KANK2: variants seen among roughly 807,000 people sequenced by gnomAD.
KANK2 encodes KN motif and ankyrin repeat domain-containing protein 2.
In KANK2, 41 loss-of-function variants were observed where a neutral mutation model predicts 74.6. That is an observed-to-expected ratio of 0.55 (90% confidence interval 0.43 to 0.71). The LOEUF is 0.71. Ranked by LOEUF, KANK2 falls within the 30% of genes least tolerant of loss-of-function variation. KANK2 has a pLI of 0.00. For missense variants in KANK2, 1,148 were observed against 1,196.4 expected (o/e 0.96, Z 0.60); for synonymous variants, 537 against 519.0 (o/e 1.03, Z -0.47).
rs746659510 is a variant in KANK2, at chr19:11,185,668, T to C, written c.1250-6948A>G. ...AGAAAAAATGGAGAAAGGCTACAAG[T>C]AATTGACTTACAGAGGAACCTTATT... On this transcript the variant is annotated intron_variant, in intron 4 of 12. Coordinates refer to ENST00000586659, the MANE Select transcript of KANK2 (RefSeq NM_001136191.3). 6.7e-5 allele frequency among the ~76,000 whole-genome samples: 10 copies of C among 150,170 alleles called. 1 individual carries two copies. The highest frequency in any genetic ancestry group is 8.9e-5 in the Non-Finnish European group (6 of 67,336).
chr19:11,177,598 C>T (rs976160692), intron 6 of KANK2, among the ~76,000 whole-genome samples: 31 of 152,056 alleles, frequency 2.0e-4, no homozygotes, highest in Non-Finnish European at 2.9e-4. Context: ...GTGATCCACC[C>T]GCCTCAGCCT....
chr19:11,167,510 T>C (rs2078054954), intron 12 of KANK2, among the ~76,000 whole-genome samples: 1 of 151,104 alleles, frequency 6.6e-6, no homozygotes, highest in Non-Finnish European at 1.5e-5. Context: ...ACTATAGGCA[T>C]GCACCACCAG....
chr19:11,196,809 C>T lies in KANK2; in HGVS notation c.-279+676G>A, dbSNP rs530193712. 4.6e-5 allele frequency: 7 copies of T among 152,356 alleles called. No homozygotes were observed. In the South Asian group the frequency reaches 1.0e-3, roughly 23 times the overall value. 9.4% of individuals were successfully genotyped at this position (152,356 alleles called of 1,614,324 possible). A position where few individuals can be genotyped will look rare whatever the true frequency, so the allele number is the denominator to read the frequency against. ...AGAGACTGGAGCCTATAAGAGGGGA[C>T]AGGTAGGGAGCGCAGGGAAGGGGCG... On this transcript the variant is annotated intron_variant, in intron 1 of 12. Coordinates refer to ENST00000586659, the MANE Select transcript of KANK2 (RefSeq NM_001136191.3).
intron 4 of KANK2, among the ~76,000 whole-genome samples, chr19:11,179,421 G>A (rs1031540763): frequency 7.9e-5 from 12 of 151,194 alleles, no homozygotes; most frequent in East Asian, 5.8e-4. Context: ...GGCAGATCAC[G>A]AGGTCAGGAG....
rs1196798686 is a variant in KANK2, at chr19:11,193,802, C to T, written c.278G>A (p.Gly93Glu). 6.2e-7 allele frequency: 1 copy of T among 1,612,660 alleles called. No homozygotes were observed. The highest frequency in any genetic ancestry group is 1.7e-5 in the Admixed American group (1 of 60,022). ...GGAATAGGCTGAGTGGCGGCTGTCC[C>T]CACTGGCATTGGAGCACAGCGACTC... is the stretch of plus-strand genomic sequence containing the variant. ...STESLCSNAS[G>E]DSRHSAYSYC... The change falls in exon 4 of 13, where the codon GGG (glycine) becomes GAG (glutamate). Residue 93 changes from glycine (G) to glutamate (E), a missense_variant. Transcript: ENST00000586659. The surrounding 1 kb of genome is among the most constrained non-coding windows in gnomAD (Gnocchi z 9.6).
In KANK2 at chr19:11,178,337, CCT is replaced by C. The variant is rs1406936883; in HGVS notation, c.1520+6_1520+7del. Reference sequence around the variant, plus strand: ...TATGGGGTGGGGGGTGGGGTCTTCTCCTCTCACCCGCCGTTGACCCCCACGAA... The same window carrying C: ...TATGGGGTGGGGGGTGGGGTCTTCTCCTCACCCGCCGTTGACCCCCACGAA... On this transcript the variant is annotated splice_donor_region_variant and intron_variant, in intron 6 of 12. Transcript: ENST00000586659. The C allele has an allele frequency of 6.7e-7, 1 of 1,501,348 alleles. No individual in the cohort carries two copies. Among genetic ancestry groups the C allele is most frequent in the East Asian group, 2.6e-5 (1 of 39,088 alleles). The allele number at this position is 1,501,348 out of a possible 1,614,324, so 93.0% of individuals were successfully genotyped here. A position where few individuals can be genotyped will look rare whatever the true frequency, so the allele number is the denominator to read the frequency against.
chr19:11,197,567 C>T (rs2079061091), upstream of KANK2: 1 of 151,572 alleles, frequency 6.6e-6, no homozygotes, highest in Admixed American at 6.6e-5. Context: ...GCCCGGCCCT[C>T]GGAGGTGGCT....
At chr19:11,197,650 C>G (rs2079063870), upstream of KANK2, 2 of 151,740 alleles carry the variant, frequency 1.3e-5, no homozygotes, top group African/African-American at 4.8e-5. Flanking sequence ...CGCCCGGGCG[C>G]CCCGGCCGCG....
chr19:11,174,958 T>TC (rs1491402634), intron 8 of KANK2, among the ~76,000 whole-genome samples: 63 of 111,138 alleles, frequency 5.7e-4, no homozygotes, highest in African/African-American at 2.9e-3. Flanking sequence ...TCTCTCTCTC[T>TC]TTTTTTTTTT....
At position 11,193,872 on chromosome 19, in the gene KANK2, G is replaced by T. The variant is rs1265127881; in HGVS notation, c.208C>A (p.Leu70Met). The change falls in exon 4 of 13, where the codon CTG becomes ATG. Residue 70 changes from leucine (L) to methionine (M), a missense_variant. Coordinates refer to ENST00000586659, the MANE Select transcript of KANK2 (RefSeq NM_001136191.3). The surrounding 1 kb of genome is among the most constrained non-coding windows in gnomAD (Gnocchi z 9.6). ...RRVAVQRRPR[L>M]SSLPRGPGSW... is the part of the protein sequence containing the mutation. Reference sequence around the variant, plus strand: ...CCAGGGCCACGGGGCAGCGAGCTCAGGCGGGGGCGGCGCTGCACTGCCACG... The same window carrying T: ...CCAGGGCCACGGGGCAGCGAGCTCATGCGGGGGCGGCGCTGCACTGCCACG... 1 of 1,613,210 alleles carries T rather than the reference G, an allele frequency of 6.2e-7. No homozygotes were observed. The highest frequency in any genetic ancestry group is 8.5e-7 in the Non-Finnish European group (1 of 1,179,818).
chr19:11,192,520 C>T (rs1454338800), intron 4 of KANK2: 11 of 360,694 alleles, frequency 3.0e-5, no homozygotes, highest in Admixed American at 7.5e-5. Flanking sequence ...CTGCAACCTC[C>T]GCTTCCCTAG....
chr19:11,192,735 T>C (rs757168006), intron 4 of KANK2, 96 bp downstream of exon 4: 1 of 1,494,826 alleles, frequency 6.7e-7, no homozygotes, highest in South Asian at 1.1e-5. Context: ...GCACCCTGCC[T>C]GGACCCTGGC....
chr19:11,166,542 C>G lies in KANK2; in HGVS notation c.*16G>C. ...CGGTTTGCTCCCGGTCTGGCTGGTC[C>G]CCGCCTCCCTCACGGCTACTCTTCT... On this transcript the variant is annotated 3_prime_UTR_variant, in exon 13 of 13. Transcript: ENST00000586659. 1.2e-6 allele frequency: 2 copies of G among 1,613,140 alleles called. No individual in the cohort carries two copies. Among genetic ancestry groups the G allele is most frequent in the Non-Finnish European group, 1.7e-6 (2 of 1,179,094 alleles).
intron 11 of KANK2, 21 bp from the exon 12 acceptor site, chr19:11,169,987 T>C (rs762009293): frequency 8.7e-6 from 14 of 1,613,732 alleles, no homozygotes; most frequent in Non-Finnish European, 1.1e-5. Flanking sequence ...TCCGGTGCTA[T>C]GAATGACGTC....
At chr19:11,177,176 T>C (rs1400008509) in intron 6 of KANK2, among the ~76,000 whole-genome samples, 1 of 139,950 alleles carries the variant, frequency 7.1e-6, no homozygotes, top group African/African-American at 2.7e-5. Context: ...AAACTCTGCC[T>C]CCTGGGTTCA....
At chr19:11,182,455 G>A (rs2093334531) in intron 4 of KANK2, among the ~76,000 whole-genome samples, 1 of 151,694 alleles carries the variant, frequency 6.6e-6, no homozygotes, top group Non-Finnish European at 1.5e-5. Context: ...GAGCCCGGGA[G>A]TTTGAAGTTA....
chr19:11,179,613 G>A (rs574159331), intron 4 of KANK2, among the ~76,000 whole-genome samples: 1 of 151,938 alleles, frequency 6.6e-6, no homozygotes, highest in South Asian at 2.1e-4. Context: ...ACTCCAGCCT[G>A]GGTAACAGAG....
At chr19:11,178,266 A>C in intron 6 of KANK2, 79 bp downstream of exon 6, 24 of 1,078,720 alleles carry the variant, frequency 2.2e-5, no homozygotes, top group Non-Finnish European at 2.7e-5. Flanking sequence ...AGAATGAGGT[A>C]ATTAGGAGGC....
Position 11,169,982 on chromosome 19 carries a change from T to A in KANK2, c.2413-16A>T. 6 of 1,613,806 alleles carry A rather than the reference T, an allele frequency of 3.7e-6. No homozygotes were observed. The highest frequency in any genetic ancestry group is 5.1e-6 in the Non-Finnish European group (6 of 1,179,748). ...TGCTCCCATCCTGCAAAGTATCCGG[T>A]GCTATGAATGACGTCCCCATGCTGT... On this transcript the variant is annotated splice_polypyrimidine_tract_variant and intron_variant, in intron 11 of 12. Coordinates refer to ENST00000586659, the MANE Select transcript of KANK2 (RefSeq NM_001136191.3).
Sources: gnomAD v4.1 joint callset for allele counts (sites outside exome capture counted in the v4.1 genomes callset) on GRCh38, gnomAD v4.1.1 for gene constraint, Gnocchi (gnomAD v3.1) non-coding constraint, MANE v1.5 for transcripts, NCBI Gene and HGNC (gene_info 2026-07-23, HGNC 2026-07-21) for gene names.